The following PTPRN2 variants were observed in gnomAD, a reference collection of about 807,000 sequenced individuals.
The protein encoded by PTPRN2 is receptor-type tyrosine-protein phosphatase N2.
PTPRN2 carries 74 observed loss-of-function variants against 118.8 expected under a neutral mutation model. The ratio of observed to expected loss-of-function variants is 0.62; its 90% CI spans 0.52 to 0.76. The LOEUF (loss-of-function observed/expected upper bound fraction) is 0.76, where lower values mean the gene tolerates loss of function less well. PTPRN2 is among the 30% of genes least tolerant of loss of function. The pLI, the probability that PTPRN2 is intolerant of heterozygous loss-of-function variation, is 0.00. For missense variants in PTPRN2, 1,481 were observed against 1,394.4 expected, an observed-to-expected ratio of 1.06 and a Z score of -0.99; for synonymous variants, 641 against 608.0, an observed-to-expected ratio of 1.05 and a Z score of -0.80.
intron 6 of PTPRN2, among the ~76,000 whole-genome samples, chr7:158,147,785 C>CTTCA (rs1820320128): frequency 7.8e-6 from 1 of 128,412 alleles, no homozygotes. Flanking sequence ...TGTTATTCCC[C>CTTCA]CTCACTGACA....
At chr7:157,985,545 C>G (rs1422112057) in intron 11 of PTPRN2, among the ~76,000 whole-genome samples, 2 of 152,206 alleles carry the variant, frequency 1.3e-5, no homozygotes, top group Non-Finnish European at 2.9e-5. Flanking sequence ...TGACATGCCG[C>G]CCCAGTGATT....
intron 3 of PTPRN2, among the ~76,000 whole-genome samples, chr7:158,278,997 T>G (rs1799228298): frequency 6.6e-6 from 1 of 151,998 alleles, no homozygotes; most frequent in Non-Finnish European, 1.5e-5. Flanking sequence ...ACCTTCGAGG[T>G]GAGTGTTACA....
intron 2 of PTPRN2, among the ~76,000 whole-genome samples, chr7:158,451,038 C>T (rs1212674066): frequency 1.3e-5 from 2 of 152,188 alleles, no homozygotes; most frequent in African/African-American, 4.8e-5. Context: ...GGTTTTTGCC[C>T]GTCTAGTAGG....
chr7:157,930,783 C>T (rs1406275547), intron 11 of PTPRN2, among the ~76,000 whole-genome samples: 3 of 152,244 alleles, frequency 2.0e-5, no homozygotes, highest in Admixed American at 2.0e-4. Flanking sequence ...TCCCAGGCTG[C>T]TCACAGGCAC....
chr7:158,454,999 T>C (rs1269365351), intron 2 of PTPRN2, among the ~76,000 whole-genome samples: 1 of 152,168 alleles, frequency 6.6e-6, no homozygotes, highest in East Asian at 1.9e-4. Flanking sequence ...ACGCTCCACT[T>C]GCTTCATGAT....
chr7:157,848,366 C>T (rs542444958), intron 12 of PTPRN2, among the ~76,000 whole-genome samples: 20 of 148,800 alleles, frequency 1.3e-4, no homozygotes, highest in African/African-American at 3.5e-4. Flanking sequence ...CAGATGTTTA[C>T]AGAGCCCTCT....
chr7:157,555,241 T>C (rs1024047618), intron 21 of PTPRN2, among the ~76,000 whole-genome samples: 3 of 152,244 alleles, frequency 2.0e-5, no homozygotes, highest in Non-Finnish European at 4.4e-5. Context: ...AGTTTATACA[T>C]TGGTTAAATA....
At chr7:157,660,766 T>C (rs1795845542) in intron 13 of PTPRN2, among the ~76,000 whole-genome samples, 1 of 152,196 alleles carries the variant, frequency 6.6e-6, no homozygotes, top group Non-Finnish European at 1.5e-5. Flanking sequence ...ATTATTACTA[T>C]TATTATGAGA....
chr7:157,786,889 G>A (rs1804074145), intron 12 of PTPRN2, among the ~76,000 whole-genome samples: 1 of 152,210 alleles, frequency 6.6e-6, no homozygotes, highest in African/African-American at 2.4e-5. Context: ...TGTGGGAAGT[G>A]CAGGGAGCAG....
intron 2 of PTPRN2, among the ~76,000 whole-genome samples, chr7:158,416,683 G>A (rs1814681300): frequency 1.3e-5 from 2 of 152,188 alleles, no homozygotes; most frequent in Admixed American, 1.3e-4. Context: ...AAGGCCAGGG[G>A]GCAGGAAACA....
intron 12 of PTPRN2, chr7:157,865,278 A>C (rs927449176): frequency 6.6e-6 from 1 of 152,214 alleles, no homozygotes; most frequent in Non-Finnish European, 1.5e-5. Flanking sequence ...GCACCAGGGG[A>C]TGAACGAGGA....
intron 12 of PTPRN2, among the ~76,000 whole-genome samples, chr7:157,839,065 C>A (rs1274358708): frequency 6.6e-6 from 1 of 152,268 alleles, no homozygotes; most frequent in African/African-American, 2.4e-5. Context: ...CGTGGCTACT[C>A]CAGTTCCTCT....
At chr7:158,179,746 A>T (rs187473847) in intron 5 of PTPRN2, among the ~76,000 whole-genome samples, 18 of 152,328 alleles carry the variant, frequency 1.2e-4, no homozygotes, top group Non-Finnish European at 1.6e-4. Flanking sequence ...GACTAGTTAA[A>T]ACAGGGCCAA....
chr7:158,298,396 GAT>G (rs1800643949), intron 3 of PTPRN2, among the ~76,000 whole-genome samples: 1 of 152,180 alleles, frequency 6.6e-6, no homozygotes, highest in Non-Finnish European at 1.5e-5. Context: ...TTGGATTTCA[GAT>G]ATGTTTGGAT....
chr7:158,417,326 G>A (rs1011479889), intron 2 of PTPRN2, among the ~76,000 whole-genome samples: 6 of 151,798 alleles, frequency 4.0e-5, no homozygotes, highest in South Asian at 2.1e-4. Context: ...GTACTACATC[G>A]AGATGCTGAA....
chr7:157,650,640 T>C (rs1205214161), intron 14 of PTPRN2, among the ~76,000 whole-genome samples: 3 of 151,992 alleles, frequency 2.0e-5, no homozygotes, highest in Non-Finnish European at 4.4e-5. Context: ...TCTGTGCCCG[T>C]CAACCACGTG....
At chr7:157,693,278 C>T (rs1471917697) in intron 12 of PTPRN2, among the ~76,000 whole-genome samples, 3 of 152,080 alleles carry the variant, frequency 2.0e-5, no homozygotes, top group Non-Finnish European at 4.4e-5. Context: ...GTGTGTGTGC[C>T]CGTGGTGTTC....
chr7:158,023,001 T>C (rs142934355), intron 11 of PTPRN2, among the ~76,000 whole-genome samples: 12 of 152,242 alleles, frequency 7.9e-5, no homozygotes, highest in Admixed American at 4.6e-4. Flanking sequence ...CAATGGGAAA[T>C]GGGAAAGGGC....
intron 12 of PTPRN2, among the ~76,000 whole-genome samples, chr7:157,771,822 CAG>C (rs1802838643): frequency 2.1e-5 from 3 of 143,732 alleles, no homozygotes; most frequent in African/African-American, 8.3e-5. Flanking sequence ...GACACAGACA[CAG>C]AAACACACAG....
Sources: gnomAD v4.1 joint callset for allele counts (sites outside exome capture counted in the v4.1 genomes callset) on GRCh38, gnomAD v4.1.1 for gene constraint, MANE v1.5 for transcripts, NCBI Gene and HGNC (gene_info 2026-07-23, HGNC 2026-07-21) for gene names.